NRL: variants seen among roughly 807,000 people sequenced by gnomAD.
The protein encoded by NRL is neural retina leucine zipper, also known as neural retina-specific leucine zipper protein.
NRL carries 16 observed loss-of-function variants against 12.5 expected under a neutral mutation model. That is an observed-to-expected ratio of 1.28 (90% CI 0.87 to 1.95). NRL has a LOEUF of 1.95. Ranked by LOEUF, NRL falls within the 30% of genes most tolerant of loss-of-function variation. The probability of loss-of-function intolerance (pLI) is 0.00; values close to 1 mark genes in which losing one functional copy is unlikely to be tolerated. For missense variants in NRL, 314 were observed against 325.8 expected (o/e 0.96, Z 0.28); for synonymous variants, 142 against 150.9 (o/e 0.94, Z 0.43).
At chr14:24,102,955 C>G in intron 1 of NRL, 1 of 1,495,160 alleles carries the variant, frequency 6.7e-7, no homozygotes, top group East Asian at 2.3e-5. Flanking sequence ...GCCTACCTCC[C>G]TCCCTCTGAT....
chr14:24,111,671 T>A (rs1402533023), intron 1 of NRL, among the ~76,000 whole-genome samples: 2 of 152,148 alleles, frequency 1.3e-5, no homozygotes. Context: ...CCGGCCAATT[T>A]TTTTAAAAAA....
At position 24,079,460 on chromosome 14, in the gene NRL, C is replaced by T. The variant is rs1229728558; in HGVS notation, c.*1776G>A. ...CTGTGAGCCCCTCAGAGAGAGAATC[C>T]AGAGCCAGAGAGGATGGCCAGTGGC... On this transcript the variant is annotated 3_prime_UTR_variant, in exon 3 of 3. Coordinates refer to ENST00000561028, the MANE Select transcript of NRL (RefSeq NM_001354768.3). 6.6e-6 allele frequency among the ~76,000 whole-genome samples: 1 copy of T among 152,116 alleles called. No homozygotes were observed. The highest frequency in any genetic ancestry group is 1.9e-4 in the East Asian group (1 of 5,182).
chr14:24,081,209 A>G lies in NRL; in HGVS notation c.*27T>C, dbSNP rs767716497. On this transcript the variant is annotated 3_prime_UTR_variant, in exon 3 of 3. Transcript: ENST00000561028. The surrounding 1 kb of genome is among the most constrained non-coding windows in gnomAD (Gnocchi z 4.4). The stretch of plus-strand genomic sequence containing the variant: ...GGCGGAGCCACCCCACCCAGCCCCC[A>G]CTACACCACAAGGTGCTCTGAACGG... 5.1e-5 allele frequency: 72 copies of G among 1,415,070 alleles called. No individual in the cohort carries two copies. The highest frequency in any genetic ancestry group is 6.6e-5 in the Non-Finnish European group (71 of 1,077,164). 87.7% of individuals were successfully genotyped at this position (1,415,070 alleles called of 1,614,324 possible).
chr14:24,102,824 C>T (rs780078243), intron 1 of NRL: 2 of 1,613,822 alleles, frequency 1.2e-6, no homozygotes, highest in African/African-American at 1.3e-5. Flanking sequence ...CATCATGGAC[C>T]CAGCCTGGGA....
Position 24,094,274 on chromosome 14 carries a change from C to G in NRL, c.-27-11399G>C. ...TACCAGGTTCCGCCCCCGCGCCTGC[C>G]CCCCTCCTTTTTAAGCGCCTCCCGC... On this transcript the variant is annotated intron_variant, in intron 1 of 2. Coordinates refer to ENST00000561028, the MANE Select transcript of NRL (RefSeq NM_001354768.3). The surrounding 1 kb of genome is among the most constrained non-coding windows in gnomAD (Gnocchi z 4.1). 1.2e-6 allele frequency: 1 copy of G among 848,482 alleles called. No individual in the cohort carries two copies. The highest frequency in any genetic ancestry group is 1.8e-6 in the Non-Finnish European group (1 of 547,488). The allele number at this position is 848,482 out of a possible 1,614,324, so 52.6% of individuals were successfully genotyped here.
Position 24,081,264 on chromosome 14 carries a change from G to A in NRL, c.686C>T (p.Ser229Phe). 1 of 1,506,230 alleles carries A rather than the reference G, an allele frequency of 6.6e-7. No homozygotes were observed. Among genetic ancestry groups the A allele is most frequent in the Non-Finnish European group, 8.9e-7 (1 of 1,126,186 alleles). The allele number at this position is 1,506,230 out of a possible 1,614,324, so 93.3% of individuals were successfully genotyped here. ...GAGGAAGAGGTGGGAGGGGTCCCCGGACCCGGGGCCGCTCGAGGTTAGCCG... is the reference window on the plus strand; with the variant it reads ...GAGGAAGAGGTGGGAGGGGTCCCCGAACCCGGGGCCGCTCGAGGTTAGCCG... The part of the protein sequence containing the change: ...CDRLTSSGPG[S>F]GDPSHLFL Residue 229 changes from serine (S) to phenylalanine (F), a missense_variant, in exon 3 of 3, where the codon TCC (serine) becomes TTC (phenylalanine). Transcript: ENST00000561028. The surrounding 1 kb of genome is among the most constrained non-coding windows in gnomAD (Gnocchi z 4.4).
In NRL at chr14:24,081,998, A is replaced by G; in HGVS notation, c.382-430T>C. 3 of 1,205,650 alleles carry G rather than the reference A, an allele frequency of 2.5e-6. No individual in the cohort carries two copies. Among genetic ancestry groups the G allele is most frequent in the Non-Finnish European group, 3.1e-6 (3 of 958,684 alleles). 74.7% of individuals were successfully genotyped at this position (1,205,650 alleles called of 1,614,324 possible). A position where few individuals can be genotyped will look rare whatever the true frequency, so the allele number is the denominator to read the frequency against. ...CTCACAGGATTTGGATTACATCCTA[A>G]TGCCCGCAACACCCCCATCTGTGTC... On this transcript the variant is annotated intron_variant, in intron 2 of 2. Transcript: ENST00000561028. The surrounding 1 kb of genome is among the most constrained non-coding windows in gnomAD (Gnocchi z 4.4).
chr14:24,098,590 C>A, intron 1 of NRL: 1 of 1,614,056 alleles, frequency 6.2e-7, no homozygotes, highest in South Asian at 1.1e-5. Context: ...GTATTATGAC[C>A]CGACTGGGGA....
chr14:24,094,553 G>A lies in NRL; in HGVS notation c.-27-11678C>T. The A allele has an allele frequency of 6.9e-7, 1 of 1,440,626 alleles. No homozygotes were observed. The highest frequency in any genetic ancestry group is 1.5e-5 in the South Asian group (1 of 68,296). 89.2% of individuals were successfully genotyped at this position (1,440,626 alleles called of 1,614,324 possible). A position where few individuals can be genotyped will look rare whatever the true frequency, so the allele number is the denominator to read the frequency against. ...CAGGTTTCCCATCCTAGGCGGAGGC[G>A]GGCAGGGGCGACTGCTGTGGGTCCA... On this transcript the variant is annotated intron_variant, in intron 1 of 2. Coordinates refer to ENST00000561028, the MANE Select transcript of NRL (RefSeq NM_001354768.3). The surrounding 1 kb of genome is among the most constrained non-coding windows in gnomAD (Gnocchi z 4.1).
At chr14:24,107,719 A>T (rs2138990683) in intron 1 of NRL, among the ~76,000 whole-genome samples, 1 of 152,288 alleles carries the variant, frequency 6.6e-6, no homozygotes, top group Middle Eastern at 3.4e-3. Context: ...CCAGACTCAG[A>T]TGTTCAGTGT....
chr14:24,082,556 A>G lies in NRL; in HGVS notation c.293T>C (p.Leu98Pro). 3 of 1,613,568 alleles carry G rather than the reference A, an allele frequency of 1.9e-6. No individual in the cohort carries two copies. The highest frequency in any genetic ancestry group is 2.5e-6 in the Non-Finnish European group (3 of 1,180,028). Reference sequence around the variant, plus strand: ...AGGGACTGGGCCCTGACCCTGCAGCAGCTCCATGGCCTCTTCAGGACTCAG... The same window carrying G: ...AGGGACTGGGCCCTGACCCTGCAGCGGCTCCATGGCCTCTTCAGGACTCAG... ...LGLSPEEAME[L>P]LQGQGPVPVD... is the part of the protein sequence containing the mutation. Residue 98 changes from leucine to proline, a missense_variant, in exon 2 of 3, where the codon CTG (leucine) becomes CCG (proline). Transcript: ENST00000561028.
intron 1 of NRL, among the ~76,000 whole-genome samples, chr14:24,108,056 G>C (rs3899236): frequency 0.12 from 17,546 of 152,186 alleles, 1,350 homozygotes; most frequent in African/African-American, 0.22. Context: ...AGGCCAAAAA[G>C]AGCTGAGTCC....
intron 1 of NRL, chr14:24,084,779 AC>A: frequency 2.8e-5 from 25 of 881,270 alleles, no homozygotes; most frequent in Non-Finnish European, 3.3e-5. Flanking sequence ...AGAGGAGAGT[AC>A]AAGTGTGCTT....
chr14:24,080,646 C>CG lies in NRL; in HGVS notation c.*589_*590insC, dbSNP rs2036252089. ...CTTCTGCACACAGCTCTCTCCCAAC[C>CG]CACACCAACAACCCCCAGAGCTCAC... is the stretch of plus-strand genomic sequence containing the variant. On this transcript the variant is annotated 3_prime_UTR_variant, in exon 3 of 3. Transcript: ENST00000561028. 1 of 152,644 alleles carries CG rather than the reference C, an allele frequency of 6.6e-6. No homozygotes were observed. Among genetic ancestry groups the CG allele is most frequent in the South Asian group, 2.1e-4 (1 of 4,826 alleles). 9.5% of individuals were successfully genotyped at this position (152,644 alleles called of 1,614,324 possible). A position where few individuals can be genotyped will look rare whatever the true frequency, so the allele number is the denominator to read the frequency against.
chr14:24,079,856 T>C lies in NRL; in HGVS notation c.*1380A>G, dbSNP rs2036226286. Reference sequence around the variant, plus strand: ...TGGAGGACTGGGTTACCATGGAAACTGTGAGACCTGGATAGCCACTGACAG... The same window carrying C: ...TGGAGGACTGGGTTACCATGGAAACCGTGAGACCTGGATAGCCACTGACAG... On this transcript the variant is annotated 3_prime_UTR_variant, in exon 3 of 3. Coordinates refer to ENST00000561028, the MANE Select transcript of NRL (RefSeq NM_001354768.3). 6.6e-6 allele frequency among the ~76,000 whole-genome samples: 1 copy of C among 152,112 alleles called. No homozygotes were observed. The highest frequency in any genetic ancestry group is 2.1e-4 in the South Asian group (1 of 4,822).
At chr14:24,110,307 T>C in intron 1 of NRL, 1 of 368,790 alleles carries the variant, frequency 2.7e-6, no homozygotes, top group Admixed American at 3.1e-5. Context: ...TGGGGTTTCG[T>C]CACATTGCCC....
At chr14:24,099,373 T>C in intron 1 of NRL, 1 of 1,035,448 alleles carries the variant, frequency 9.7e-7, no homozygotes, top group Non-Finnish European at 1.4e-6. Flanking sequence ...GCCCAAAGCT[T>C]TGGCCTCAGG....
rs1239438828 is a variant in NRL, at chr14:24,081,654, C to T, written c.382-86G>A. ...GGCCCGACGCTACCTGGCTCCGCCCCGGGACAGCCCCGCCCCGGCTCCCAC... is the reference window on the plus strand; with the variant it reads ...GGCCCGACGCTACCTGGCTCCGCCCTGGGACAGCCCCGCCCCGGCTCCCAC... On this transcript the variant is annotated intron_variant, in intron 2 of 2. Coordinates refer to ENST00000561028, the MANE Select transcript of NRL (RefSeq NM_001354768.3). The surrounding 1 kb of genome is among the most constrained non-coding windows in gnomAD (Gnocchi z 4.4). 8 of 1,535,036 alleles carry T rather than the reference C, an allele frequency of 5.2e-6. No homozygotes were observed. Among genetic ancestry groups the T allele is most frequent in the Non-Finnish European group, 7.0e-6 (8 of 1,140,484 alleles).
rs749226723 is a variant in NRL, at chr14:24,082,856, C to G, written c.-8G>C. Reference sequence around the variant, plus strand: ...GCTGGGGGGCAGGGCCATTCTGGAGCTGGGCTGGGAGGAGTGCACCTGCAA... The same window carrying G: ...GCTGGGGGGCAGGGCCATTCTGGAGGTGGGCTGGGAGGAGTGCACCTGCAA... On this transcript the variant is annotated 5_prime_UTR_variant, in exon 2 of 3. Transcript: ENST00000561028. 1.9e-6 allele frequency: 3 copies of G among 1,609,736 alleles called. No homozygotes were observed. Among genetic ancestry groups the G allele is most frequent in the Non-Finnish European group, 2.5e-6 (3 of 1,177,344 alleles).
Sources: allele counts gnomAD v4.1 joint callset (sites outside exome capture counted in the v4.1 genomes callset), GRCh38; gene constraint gnomAD v4.1.1; non-coding constraint Gnocchi (gnomAD v3.1); transcripts MANE v1.5; gene names NCBI Gene and HGNC (gene_info 2026-07-23, HGNC 2026-07-21).